COL27A1: variants seen among roughly 807,000 people sequenced by gnomAD.
The protein encoded by COL27A1 is collagen alpha-1(XXVII) chain.
In COL27A1, 106 loss-of-function variants were observed where a neutral mutation model predicts 251.3. That is an observed-to-expected ratio of 0.42 (90% CI 0.36 to 0.50). The LOEUF (loss-of-function observed/expected upper bound fraction) is 0.50, where lower values mean the gene tolerates loss of function less well. Among genes scored for constraint, COL27A1 ranks in the 20% least tolerant of loss-of-function variants. COL27A1 has a pLI of 0.00. For missense variants in COL27A1, 2,325 were observed against 2,522.8 expected (o/e 0.92, Z 1.68); for synonymous variants, 1,000 against 986.3 (o/e 1.01, Z -0.26).
At chr9:114,256,273 C>T (rs533539982) in intron 27 of COL27A1, among the ~76,000 whole-genome samples, 562 of 152,228 alleles carry the variant, frequency 3.7e-3, no homozygotes, top group Non-Finnish European at 6.5e-3. Flanking sequence ...TGGCGGATCA[C>T]GAGGTCAGGA....
intron 2 of COL27A1, among the ~76,000 whole-genome samples, chr9:114,165,142 T>A (rs1848742409): frequency 1.3e-5 from 2 of 152,168 alleles, no homozygotes; most frequent in African/African-American, 2.4e-5. Flanking sequence ...TATAGCCCTG[T>A]TTTACAGTGG....
intron 28 of COL27A1, among the ~76,000 whole-genome samples, chr9:114,259,653 C>T (rs1233326182): frequency 2.0e-5 from 3 of 152,152 alleles, no homozygotes; most frequent in Non-Finnish European, 4.4e-5. Flanking sequence ...GGGATTTGAA[C>T]CCAGGGAATC....
chr9:114,257,896 T>A (rs1359886378), intron 27 of COL27A1, among the ~76,000 whole-genome samples: 1 of 152,184 alleles, frequency 6.6e-6, no homozygotes, highest in Admixed American at 6.5e-5. Context: ...AGGAGACCTT[T>A]TGTCATACAT....
At chr9:114,292,378 A>T (rs1478454223) in intron 49 of COL27A1, among the ~76,000 whole-genome samples, 168 bp downstream of exon 49, 1 of 152,170 alleles carries the variant, frequency 6.6e-6, no homozygotes, top group Non-Finnish European at 1.5e-5. Flanking sequence ...ACCAGATACC[A>T]TTCTGCCACC....
intron 5 of COL27A1, among the ~76,000 whole-genome samples, chr9:114,183,669 T>C (rs1344771426): frequency 1.3e-5 from 2 of 151,990 alleles, no homozygotes; most frequent in Admixed American, 6.5e-5. Flanking sequence ...CTGAACTGGG[T>C]CCCAGGAGGA....
At chr9:114,246,560 G>A (rs969231287) in intron 24 of COL27A1, among the ~76,000 whole-genome samples, 2 of 152,224 alleles carry the variant, frequency 1.3e-5, no homozygotes, top group African/African-American at 2.4e-5. Flanking sequence ...CCAAGGTGGA[G>A]AGGTGTTCAT....
intron 14 of COL27A1, among the ~76,000 whole-genome samples, chr9:114,226,304 C>A (rs1403858597): frequency 2.6e-5 from 4 of 152,164 alleles, no homozygotes; most frequent in Non-Finnish European, 5.9e-5. Flanking sequence ...TTAGATACCC[C>A]ACCACCTGGC....
rs749798318 is a variant in COL27A1 at position 114,258,589 on chromosome 9, C to T, written c.3190C>T (p.Arg1064Cys). 19 of 1,613,940 alleles carry T rather than the reference C, an allele frequency of 1.2e-5. No homozygotes were observed. Among genetic ancestry groups the T allele is most frequent in the African/African-American group, 2.7e-5 (2 of 74,954 alleles). ...ACCAGGCATGAGGGGAGCAAAGGGA[C>T]GTCGGGTAAGTCGAGCCCAGCTCCT... is the stretch of plus-strand genomic sequence containing the variant. ...GPPGMRGAKG[R>C]RGPRGPDGPA... is the part of the protein sequence containing the mutation. The change falls in exon 28 of 61, where the codon CGT (arginine) becomes TGT (cysteine). Residue 1064 changes from arginine (R) to cysteine (C), a missense_variant. Physicochemically the swap from Arg to Cys is radical, Grantham distance 180. Around this residue, in one of 4 missense-constraint regions of COL27A1, gnomAD observed 662 missense variants for 795.3 expected, o/e 0.83. Transcript: ENST00000356083.
chr9:114,230,279 G>A (rs1447584433), intron 14 of COL27A1, among the ~76,000 whole-genome samples: 1 of 152,110 alleles, frequency 6.6e-6, no homozygotes, highest in Admixed American at 6.5e-5. Context: ...AGAGACAGAG[G>A]GACGGTGTGG....
intron 1 of COL27A1, among the ~76,000 whole-genome samples, chr9:114,156,278 G>T (rs1411862354): frequency 6.6e-6 from 1 of 150,550 alleles, no homozygotes. Flanking sequence ...GGGGTCGGGG[G>T]TGGGGGTGGG....
chr9:114,194,981 T>G (rs1829013011), intron 6 of COL27A1, among the ~76,000 whole-genome samples: 1 of 152,204 alleles, frequency 6.6e-6, no homozygotes, highest in Non-Finnish European at 1.5e-5. Context: ...GCTAAAGGCC[T>G]TCATCCGTCT....
chr9:114,156,783 G>A (rs1848149394), intron 1 of COL27A1, among the ~76,000 whole-genome samples: 1 of 152,142 alleles, frequency 6.6e-6, no homozygotes, highest in South Asian at 2.1e-4. Flanking sequence ...GATTCCCAGC[G>A]TGTGGAGTAG....
At chr9:114,275,267 T>TA (rs879717950) in intron 36 of COL27A1, among the ~76,000 whole-genome samples, 126 of 143,306 alleles carry the variant, frequency 8.8e-4, no homozygotes, top group Middle Eastern at 3.5e-3. Context: ...GTCTAAAAAA[T>TA]AAAAAAAAAA....
chr9:114,170,166 ACCTG>A (rs746256320), intron 3 of COL27A1, among the ~76,000 whole-genome samples: 4 of 152,108 alleles, frequency 2.6e-5, no homozygotes, highest in Non-Finnish European at 2.9e-5. Flanking sequence ...CGTTTATGTT[ACCTG>A]CCTGCCTGGC....
chr9:114,269,038 GAGA>G, intron 34 of COL27A1, 200 bp from the exon 35 acceptor site: 3 of 525,484 alleles, frequency 5.7e-6, no homozygotes, highest in East Asian at 3.1e-5. Context: ...CCTGGCGTGG[GAGA>G]AGAAGTCCGT....
At chr9:114,305,265 G>A (rs568027636) in intron 57 of COL27A1, among the ~76,000 whole-genome samples, 1 of 152,310 alleles carries the variant, frequency 6.6e-6, no homozygotes, top group African/African-American at 2.4e-5. Context: ...GAGACAGATG[G>A]ATGGCCAGTC....
At chr9:114,301,837 CAG>C in intron 55 of COL27A1, 120 bp downstream of exon 55, 2 of 1,043,472 alleles carry the variant, frequency 1.9e-6, no homozygotes, top group Non-Finnish European at 2.8e-6. Flanking sequence ...TTGTAGCCCA[CAG>C]ACTCCTAGGA....
chr9:114,284,864 G>T, intron 41 of COL27A1, 87 bp downstream of exon 41: 1 of 1,461,708 alleles, frequency 6.8e-7, no homozygotes, highest in Non-Finnish European at 9.6e-7. Flanking sequence ...AGCCCCTGGG[G>T]TACCCATGGC....
At chr9:114,250,205 T>A (rs1833434683) in intron 24 of COL27A1, among the ~76,000 whole-genome samples, 1 of 152,234 alleles carries the variant, frequency 6.6e-6, no homozygotes, top group Admixed American at 6.5e-5. Flanking sequence ...ACGGTATTTC[T>A]GTCCCAGCCA....
Sources: allele counts gnomAD v4.1 joint callset (sites outside exome capture counted in the v4.1 genomes callset), GRCh38; gene constraint gnomAD v4.1.1; regional missense constraint gnomAD v4.1.1; transcripts MANE v1.5; gene names NCBI Gene and HGNC (gene_info 2026-07-23, HGNC 2026-07-21).